The following RP1L1 variants were observed in gnomAD, a reference collection of about 807,000 sequenced individuals.
RP1L1 encodes the protein RP1 like 1.
RP1L1 carries 27 observed loss-of-function variants against 15.7 expected under a neutral mutation model. The ratio of observed to expected loss-of-function variants is 1.72; its 90% confidence interval spans 1.27 to 2.38. The LOEUF is 2.38. Ranked by LOEUF, RP1L1 falls within the 30% of genes most tolerant of loss-of-function variation. The pLI is 0.00. For synonymous variants in RP1L1, 1,813 were observed against 1,276.7 expected (o/e 1.42, Z -8.96); for missense variants, 4,798 against 3,075.9 (o/e 1.56, Z -13.24).
rs144695925 is a variant in RP1L1, at chr8:10,617,300, G to A, written c.610-713C>T. 2.2e-3 allele frequency among the ~76,000 whole-genome samples: 324 copies of A among 147,840 alleles called. 2 individuals carry two copies. Among genetic ancestry groups the A allele is most frequent in the African/African-American group, 7.3e-3 (292 of 40,124 alleles). ...TTTGCACTATTGATGGGATTACATT[G>A]TAATGAGCAATGCTGGGGAATGGGG... On this transcript the variant is annotated intron_variant, in intron 2 of 3. Coordinates refer to ENST00000382483, the MANE Select transcript of RP1L1 (RefSeq NM_178857.6).
chr8:10,642,001 G>A (rs142370961), intron 1 of RP1L1, among the ~76,000 whole-genome samples: 71 of 152,238 alleles, frequency 4.7e-4, no homozygotes, highest in African/African-American at 1.7e-3. Context: ...GATGATGGAC[G>A]TGCCCTGTCT....
rs200331530 is a variant in RP1L1 at position 10,613,030 on chromosome 8, G to A, written c.1068C>T (p.Asp356=). 1.8e-5 allele frequency: 29 copies of A among 1,613,546 alleles called. No homozygotes were observed. In the Middle Eastern group the frequency reaches 8.2e-4, roughly 46 times the overall value. ...ASALTAASGE[D]PVLGEVDPLC... is the part of the protein sequence containing the mutation. ...GGGGGTCTACCTCCCCCAGAACGGG[G>A]TCTTCCCCACTGGCTGCCGTGAGGG... Residue 356 remains aspartate, a synonymous_variant, in exon 4 of 4, where the codon GAC becomes GAT. Coordinates refer to ENST00000382483, the MANE Select transcript of RP1L1 (RefSeq NM_178857.6).
At position 10,622,852 on chromosome 8, in the gene RP1L1, C is replaced by A; in HGVS notation, c.350G>T (p.Gly117Val). Residue 117 changes from glycine (G) to valine (V), a missense_variant, in exon 2 of 4, where the codon GGC (glycine) becomes GTC (valine). Coordinates refer to ENST00000382483, the MANE Select transcript of RP1L1 (RefSeq NM_178857.6). ...KKPPKTPSGP[G>V]RPQERNPTAQ... The stretch of plus-strand genomic sequence containing the variant: ...AGTGGGGTTTCTCTCCTGTGGCCGG[C>A]CTGGTCCACTGGGGGTCTTGGGGGG... 1 of 1,613,044 alleles carries A rather than the reference C, an allele frequency of 6.2e-7. No homozygotes were observed. The highest frequency in any genetic ancestry group is 1.7e-4 in the Middle Eastern group (1 of 6,054).
At chr8:10,642,962 T>C (rs1252674705) in intron 1 of RP1L1, among the ~76,000 whole-genome samples, 1 of 152,154 alleles carries the variant, frequency 6.6e-6, no homozygotes, top group African/African-American at 2.4e-5. Flanking sequence ...AGAAGACAGG[T>C]GAAGAATAGC....
intron 1 of RP1L1, 117 bp from the exon 2 acceptor site, chr8:10,623,337 A>G (rs1798104452): frequency 1.3e-6 from 1 of 745,856 alleles, no homozygotes; most frequent in East Asian, 2.7e-5. Context: ...CCACTCCACT[A>G]TGGAGAGGCA....
chr8:10,651,825 C>G lies in RP1L1; in HGVS notation c.-20+3073G>C, dbSNP rs572128344. On this transcript the variant is annotated intron_variant, in intron 1 of 3. Transcript: ENST00000382483. ...CATGACTGTAAAATCCCAAAGCATA[C>G]AGTACACAGTCACGCAGCACACAAT... is the stretch of plus-strand genomic sequence containing the variant. Among the ~76,000 whole-genome samples the G allele has an allele frequency of 9.5e-4, 143 of 150,564 alleles. 1 individual carries two copies. The highest frequency in any genetic ancestry group is 3.4e-3 in the African/African-American group (139 of 40,958).
chr8:10,637,617 C>G (rs1172766823), intron 1 of RP1L1, among the ~76,000 whole-genome samples: 1 of 152,074 alleles, frequency 6.6e-6, no homozygotes, highest in Non-Finnish European at 1.5e-5. Context: ...TAAGAAAACT[C>G]CCCATTTATA....
Position 10,607,679 on chromosome 8 carries a change from TCCCC to T in RP1L1, c.6415_6418del (p.Gly2139ArgfsTer9). The T allele has an allele frequency of 6.3e-7, 1 of 1,588,392 alleles. No individual in the cohort carries two copies. Among genetic ancestry groups the T allele is most frequent in the Non-Finnish European group, 8.6e-7 (1 of 1,165,340 alleles). ...TACACCTTCTGACTCAGGCTGGGCCTCCCCTTCAGCCTCTGGGGCCTCTATACCT... is the reference window on the plus strand; with the variant it reads ...TACACCTTCTGACTCAGGCTGGGCCTTTCAGCCTCTGGGGCCTCTATACCT... On this transcript the variant is annotated frameshift_variant, in exon 4 of 4. Coordinates refer to ENST00000382483, the MANE Select transcript of RP1L1 (RefSeq NM_178857.6). LOFTEE classifies it low-confidence loss of function (END_TRUNC).
Position 10,617,579 on chromosome 8 carries a change from C to T in RP1L1, c.610-992G>A, listed in dbSNP as rs531199830. The stretch of plus-strand genomic sequence containing the variant: ...TTTTTTTTTTTTTTTTTTTTTGAGA[C>T]GGAGTCTCGATCTGTCACCCAGGCT... On this transcript the variant is annotated intron_variant, in intron 2 of 3. Coordinates refer to ENST00000382483, the MANE Select transcript of RP1L1 (RefSeq NM_178857.6). Among the ~76,000 whole-genome samples the T allele has an allele frequency of 8.9e-5, 8 of 89,828 alleles. No homozygotes were observed. In the Admixed American group the frequency reaches 1.3e-3, roughly 15 times the overall value. 58.9% of individuals were successfully genotyped at this position (89,828 alleles called of 152,430 possible).
intron 3 of RP1L1, among the ~76,000 whole-genome samples, chr8:10,613,613 A>C (rs868323580): frequency 0.029 from 4,305 of 150,694 alleles, 229 homozygotes; most frequent in African/African-American, 0.095. Context: ...AAAAAAAAAA[A>C]AAAAAAAAAA....
At chr8:10,635,287 T>C (rs890169693) in intron 1 of RP1L1, among the ~76,000 whole-genome samples, 3 of 140,700 alleles carry the variant, frequency 2.1e-5, no homozygotes, top group African/African-American at 8.3e-5. Flanking sequence ...CCCATAATTC[T>C]ATCACCTTCT....
intron 2 of RP1L1, among the ~76,000 whole-genome samples, chr8:10,617,292 A>T (rs1403308765): frequency 6.7e-6 from 1 of 149,612 alleles, no homozygotes; most frequent in Non-Finnish European, 1.5e-5. Context: ...TATTGATGGG[A>T]TTACATTGTA....
chr8:10,637,600 A>G (rs900569466), intron 1 of RP1L1, among the ~76,000 whole-genome samples: 2 of 152,116 alleles, frequency 1.3e-5, no homozygotes, highest in African/African-American at 2.4e-5. Context: ...AAAATACATA[A>G]AAAAATTAAG....
rs988606956 is a variant in RP1L1 at position 10,621,827 on chromosome 8, G to A, written c.609+766C>T. 6.2e-4 allele frequency: 289 copies of A among 466,430 alleles called. 5 individuals are homozygous for A. Among genetic ancestry groups the A allele is most frequent in the South Asian group, 4.3e-3 (282 of 65,374 alleles). The allele number at this position is 466,430 out of a possible 1,614,324, so 28.9% of individuals were successfully genotyped here. A position where few individuals can be genotyped will look rare whatever the true frequency, so the allele number is the denominator to read the frequency against. On this transcript the variant is annotated intron_variant, in intron 2 of 3. Coordinates refer to ENST00000382483, the MANE Select transcript of RP1L1 (RefSeq NM_178857.6). The stretch of plus-strand genomic sequence containing the variant: ...GTCCTTGAACTCAATAATCATAGTG[G>A]CTTCCAGCAGAGGTAGTAGCTTCCT...
At position 10,610,061 on chromosome 8, in the gene RP1L1, C is replaced by T. The variant is rs200175359; in HGVS notation, c.4037G>A (p.Gly1346Glu). The change falls in exon 4 of 4, where the codon GGA becomes GAA. Residue 1346 changes from glycine (G) to glutamate (E), a missense_variant. Physicochemically the swap from Gly to Glu is moderately conservative, Grantham distance 98. Coordinates refer to ENST00000382483, the MANE Select transcript of RP1L1 (RefSeq NM_178857.6). ...CGCCTCTTCTTCTTGCTGTCCTTCT[C>T]CTTCTGTTTCTTTAGTTTCCTCTAA... The part of the protein sequence containing the change: ...VQLEETKETE[G>E]EGQQEEEAQL... 4.2e-6 allele frequency: 6 copies of T among 1,414,106 alleles called. No individual in the cohort carries two copies. The highest frequency in any genetic ancestry group is 2.6e-5 in the South Asian group (2 of 78,068). The allele number at this position is 1,414,106 out of a possible 1,614,324, so 87.6% of individuals were successfully genotyped here.
At chr8:10,646,507 C>T (rs868402694) in intron 1 of RP1L1, among the ~76,000 whole-genome samples, 14 of 152,144 alleles carry the variant, frequency 9.2e-5, no homozygotes, top group African/African-American at 3.1e-4. Context: ...GAAAAGGTGA[C>T]GCAGGCCCTA....
chr8:10,616,807 T>A (rs1797974549), intron 2 of RP1L1, among the ~76,000 whole-genome samples: 1 of 152,202 alleles, frequency 6.6e-6, no homozygotes, highest in African/African-American at 2.4e-5. Context: ...GCTCTAGCTA[T>A]ACCCCTCCCT....
At position 10,642,895 on chromosome 8, in the gene RP1L1, C is replaced by CAT. The variant is rs201027499; in HGVS notation, c.-20+12001_-20+12002dup. 5.4e-3 allele frequency among the ~76,000 whole-genome samples: 819 copies of CAT among 152,246 alleles called. 9 individuals carry two copies. Among genetic ancestry groups the CAT allele is most frequent in the Middle Eastern group, 0.02 (6 of 294 alleles). ...AGAAGGAAGAGAGGAGAGAACAATGCATAGTACCAGCTAAGATCATAAGAT... is the reference window on the plus strand; with the variant it reads ...AGAAGGAAGAGAGGAGAGAACAATGCATATAGTACCAGCTAAGATCATAAGAT... On this transcript the variant is annotated intron_variant, in intron 1 of 3. Coordinates refer to ENST00000382483, the MANE Select transcript of RP1L1 (RefSeq NM_178857.6).
At chr8:10,621,753 A>C in intron 2 of RP1L1, 1 of 509,406 alleles carries the variant, frequency 2.0e-6, no homozygotes, top group Non-Finnish European at 3.9e-6. Flanking sequence ...CCTTTGGTGG[A>C]ATTTCATGTC....
Sources: allele counts gnomAD v4.1 joint callset (sites outside exome capture counted in the v4.1 genomes callset), GRCh38; gene constraint gnomAD v4.1.1; transcripts MANE v1.5; gene names NCBI Gene and HGNC (gene_info 2026-07-23, HGNC 2026-07-21).